CPXM2: variants seen among roughly 807,000 people sequenced by gnomAD.
The protein encoded by CPXM2 is inactive carboxypeptidase-like protein X2.
In CPXM2, 66 loss-of-function variants were observed where a neutral mutation model predicts 86.1. The ratio of observed to expected loss-of-function variants is 0.77; its 90% CI spans 0.63 to 0.94. The LOEUF is 0.94. Ranked by LOEUF, CPXM2 falls within the 40% of genes least tolerant of loss-of-function variation. The pLI, the probability that CPXM2 is intolerant of heterozygous loss-of-function variation, is 0.00. For missense variants in CPXM2, 948 were observed against 1,026.3 expected (o/e 0.92, Z 1.04); for synonymous variants, 388 against 400.2 (o/e 0.97, Z 0.36).
intron 8 of CPXM2, 59 bp downstream of exon 8, chr10:123,770,853 CCTAA>C: frequency 6.6e-7 from 1 of 1,513,516 alleles, no homozygotes; most frequent in East Asian, 2.3e-5. Flanking sequence ...TGAACAGTCT[CCTAA>C]CTGTTTACAT....
intron 2 of CPXM2, among the ~76,000 whole-genome samples, chr10:123,902,769 T>C (rs921957048): frequency 3.9e-5 from 6 of 152,030 alleles, no homozygotes; most frequent in Admixed American, 2.6e-4. Flanking sequence ...TTTCAACATA[T>C]GAATTTGACA....
At chr10:123,855,224 T>C (rs1848694514) in intron 3 of CPXM2, among the ~76,000 whole-genome samples, 1 of 152,166 alleles carries the variant, frequency 6.6e-6, no homozygotes, top group African/African-American at 2.4e-5. Context: ...ACAAAATCCC[T>C]TTATCAGAAC....
intron 2 of CPXM2, among the ~76,000 whole-genome samples, chr10:123,916,448 C>T (rs1945534096): frequency 6.6e-6 from 1 of 152,186 alleles, no homozygotes; most frequent in African/African-American, 2.4e-5. Flanking sequence ...CCCACCCCAC[C>T]CCCATTCACT....
chr10:123,906,366 A>G (rs1329243598), intron 2 of CPXM2, among the ~76,000 whole-genome samples: 1 of 152,214 alleles, frequency 6.6e-6, no homozygotes, highest in Non-Finnish European at 1.5e-5. Flanking sequence ...AGTCAAGGCC[A>G]GCTCACTCCT....
intron 7 of CPXM2, among the ~76,000 whole-genome samples, chr10:123,775,160 G>C (rs1031987841): frequency 6.6e-6 from 1 of 152,198 alleles, no homozygotes; most frequent in Non-Finnish European, 1.5e-5. Flanking sequence ...AGGTGTAGTA[G>C]AGAAATGAGA....
At chr10:123,916,392 G>A (rs1043483967) in intron 2 of CPXM2, among the ~76,000 whole-genome samples, 1 of 152,140 alleles carries the variant, frequency 6.6e-6, no homozygotes, top group Non-Finnish European at 1.5e-5. Flanking sequence ...GTCCAGGTCT[G>A]CAAGACTGAG....
chr10:123,807,535 C>T (rs1340073060), intron 4 of CPXM2, among the ~76,000 whole-genome samples: 1 of 152,150 alleles, frequency 6.6e-6, no homozygotes, highest in Non-Finnish European at 1.5e-5. Context: ...CATTCCTTTA[C>T]TCAAGGTTTT....
At chr10:123,939,542 G>A (rs1945755345) in intron 1 of CPXM2, 1 of 152,220 alleles carries the variant, frequency 6.6e-6, no homozygotes, top group Admixed American at 6.5e-5. Flanking sequence ...CTTAAAATAG[G>A]AGGAGAGAAA....
chr10:123,895,428 C>T (rs942289935), upstream of CPXM2, among the ~76,000 whole-genome samples: 2 of 152,154 alleles, frequency 1.3e-5, no homozygotes, highest in Non-Finnish European at 2.9e-5. Context: ...CCGGCCAAGA[C>T]AGACTCTTAA....
At chr10:123,860,282 CTG>C (rs1848823224) in intron 3 of CPXM2, among the ~76,000 whole-genome samples, 1 of 152,210 alleles carries the variant, frequency 6.6e-6, no homozygotes, top group South Asian at 2.1e-4. Flanking sequence ...TCAAGGAACT[CTG>C]TGAGTGATTA....
At chr10:123,791,457 G>A (rs556479252) in intron 6 of CPXM2, among the ~76,000 whole-genome samples, 3 of 152,280 alleles carry the variant, frequency 2.0e-5, no homozygotes, top group Non-Finnish European at 2.9e-5. Context: ...CAGCAGGGCC[G>A]TGGTCTCTCT....
chr10:123,874,327 T>C (rs944176238), intron 2 of CPXM2, among the ~76,000 whole-genome samples: 15 of 151,904 alleles, frequency 9.9e-5, no homozygotes, highest in Non-Finnish European at 1.5e-5. Context: ...AGTTCACTAA[T>C]CCCATTCATG....
At chr10:123,836,533 CA>C (rs1376406751) in intron 4 of CPXM2, among the ~76,000 whole-genome samples, 2 of 152,178 alleles carry the variant, frequency 1.3e-5, no homozygotes, top group African/African-American at 4.8e-5. Context: ...CAAGCGTGCC[CA>C]AAAGAACAGT....
chr10:123,927,615 T>A (rs1208472247), intron 2 of CPXM2, among the ~76,000 whole-genome samples: 1 of 152,154 alleles, frequency 6.6e-6, no homozygotes, highest in African/African-American at 2.4e-5. Flanking sequence ...GGAGTCCAGG[T>A]GCTTACCTGT....
At chr10:123,875,786 T>G in intron 2 of CPXM2, among the ~76,000 whole-genome samples, 2 of 148,388 alleles carry the variant, frequency 1.3e-5, no homozygotes, top group East Asian at 2.0e-4. Context: ...TGGTAGGAGA[T>G]CATGTTTCTT....
At chr10:123,881,483 G>A (rs1464116995) in intron 1 of CPXM2, among the ~76,000 whole-genome samples, 2 of 152,044 alleles carry the variant, frequency 1.3e-5, no homozygotes, top group Non-Finnish European at 2.9e-5. Context: ...AGGATGGGGT[G>A]AGGAAAGGAG....
intron 3 of CPXM2, among the ~76,000 whole-genome samples, chr10:123,857,596 AGATGGAAGGCG>A (rs1848757065): frequency 1.4e-5 from 2 of 140,572 alleles, no homozygotes; most frequent in East Asian, 2.4e-4. Context: ...GGCGGCGTGG[AGATGGAAGGCG>A]GCGTGGAGAT....
chr10:123,812,448 G>A (rs958217774), intron 4 of CPXM2, among the ~76,000 whole-genome samples: 2 of 152,270 alleles, frequency 1.3e-5, no homozygotes, highest in African/African-American at 4.8e-5. Flanking sequence ...AGATTAATTG[G>A]TCCCCGATAA....
At chr10:123,919,143 G>T (rs994533392) in intron 2 of CPXM2, among the ~76,000 whole-genome samples, 3 of 152,152 alleles carry the variant, frequency 2.0e-5, no homozygotes, top group Non-Finnish European at 4.4e-5. Flanking sequence ...TACATCCACT[G>T]CTCAGGACCC....
Sources: allele counts gnomAD v4.1 joint callset (sites outside exome capture counted in the v4.1 genomes callset), GRCh38; gene constraint gnomAD v4.1.1; transcripts MANE v1.5; gene names NCBI Gene and HGNC (gene_info 2026-07-23, HGNC 2026-07-21).